USP34: variants seen among roughly 807,000 people sequenced by gnomAD.
USP34 encodes the protein ubiquitin specific peptidase 34, also known as ubiquitin carboxyl-terminal hydrolase 34.
Under a neutral mutation model 460.3 loss-of-function variants are expected in USP34, and 70 were observed. That is an observed-to-expected ratio of 0.15 (90% CI 0.13 to 0.19). The LOEUF (loss-of-function observed/expected upper bound fraction) is 0.19. Among genes scored for constraint, USP34 ranks in the 10% least tolerant of loss-of-function variants. The pLI is 1.00. For missense variants in USP34, 3,985 were observed against 4,236.2 expected (o/e 0.94, Z 1.65); for synonymous variants, 1,647 against 1,405.3 (o/e 1.17, Z -3.85).
At chr2:61,193,115 G>A (rs1686688550) in intron 75 of USP34, 135 bp from the exon 76 acceptor site, 3 of 663,036 alleles carry the variant, frequency 4.5e-6, no homozygotes, top group Non-Finnish European at 7.5e-6. Context: ...TACATAAAGG[G>A]GAAAAATTCA....
chr2:61,411,259 G>A (rs1382780305), intron 2 of USP34, among the ~76,000 whole-genome samples: 1 of 151,784 alleles, frequency 6.6e-6, no homozygotes, highest in African/African-American at 2.4e-5. Context: ...CCATACGCCC[G>A]TAATCCCAGC....
intron 35 of USP34, among the ~76,000 whole-genome samples, chr2:61,284,373 T>TGA (rs1426244764): frequency 6.6e-6 from 1 of 152,096 alleles, no homozygotes; most frequent in African/African-American, 2.4e-5. Flanking sequence ...AAATGTATCA[T>TGA]GAGAGAAAGG....
At chr2:61,203,389 A>G in intron 74 of USP34, 126 bp from the exon 75 acceptor site, 1 of 937,016 alleles carries the variant, frequency 1.1e-6, no homozygotes, top group African/African-American at 1.7e-5. Flanking sequence ...ACCTAGTTTT[A>G]AAATCCAAAT....
At position 61,223,233 on chromosome 2, in the gene USP34, T is replaced by C. The variant is rs1380970538; in HGVS notation, c.7644+15A>G. ...TTGTGATGATCAAATTGTCTAATATTAGAGAATGTACTACCTTTCCTCCTG... is the reference window on the plus strand; with the variant it reads ...TTGTGATGATCAAATTGTCTAATATCAGAGAATGTACTACCTTTCCTCCTG... On this transcript the variant is annotated intron_variant, in intron 63 of 79. Coordinates refer to ENST00000398571, the MANE Select transcript of USP34 (RefSeq NM_014709.4). 1.9e-6 allele frequency: 3 copies of C among 1,613,828 alleles called. No homozygotes were observed. The highest frequency in any genetic ancestry group is 2.2e-5 in the East Asian group (1 of 44,862).
intron 48 of USP34, among the ~76,000 whole-genome samples, chr2:61,248,987 C>A (rs934207912): frequency 6.6e-6 from 1 of 152,210 alleles, no homozygotes; most frequent in African/African-American, 2.4e-5. Flanking sequence ...TAACAATATA[C>A]TGTTCACAAT....
intron 2 of USP34, chr2:61,417,437 A>G: frequency 2.7e-6 from 1 of 373,306 alleles, no homozygotes; most frequent in South Asian, 2.9e-5. Flanking sequence ...AACAGCACTT[A>G]AAAATGATGA....
At chr2:61,300,108 A>T (rs1163107655) in intron 29 of USP34, among the ~76,000 whole-genome samples, 1 of 152,196 alleles carries the variant, frequency 6.6e-6, no homozygotes, top group African/African-American at 2.4e-5. Context: ...CAAATGCTTT[A>T]CTGACTTTGT....
At chr2:61,291,798 T>A (rs1689860132) in intron 33 of USP34, among the ~76,000 whole-genome samples, 1 of 152,180 alleles carries the variant, frequency 6.6e-6, no homozygotes, top group Admixed American at 6.5e-5. Context: ...CATAAACTCA[T>A]AAACAAATGC....
At chr2:61,284,330 T>C (rs192608095) in intron 35 of USP34, among the ~76,000 whole-genome samples, 1 of 152,196 alleles carries the variant, frequency 6.6e-6, no homozygotes, top group Admixed American at 6.5e-5. Flanking sequence ...AACTGAAAAG[T>C]ACTCTATAAA....
chr2:61,319,445 G>C, intron 21 of USP34, 118 bp from the exon 22 acceptor site: 2 of 605,396 alleles, frequency 3.3e-6, no homozygotes, highest in Non-Finnish European at 5.0e-6. Flanking sequence ...CTTGGAAATT[G>C]CAATTTTAAT....
chr2:61,235,789 G>C, intron 57 of USP34, 56 bp downstream of exon 57: 1 of 1,553,004 alleles, frequency 6.4e-7, no homozygotes, highest in East Asian at 2.3e-5. Flanking sequence ...AGATCAGAGG[G>C]GGGGAAAAAA....
intron 18 of USP34, among the ~76,000 whole-genome samples, chr2:61,337,361 A>G (rs1008513304): frequency 1.6e-4 from 24 of 151,554 alleles, no homozygotes; most frequent in African/African-American, 5.8e-4. Context: ...TTACTGCTAT[A>G]TAGTATTTCA....
At chr2:61,190,752 A>G (rs771195590) in intron 76 of USP34, 94 bp from the exon 77 acceptor site, 22 of 1,444,328 alleles carry the variant, frequency 1.5e-5, no homozygotes, top group Middle Eastern at 2.6e-4. Context: ...ACACTTGTGT[A>G]TGATGGAATC....
At chr2:61,241,528 T>G in intron 53 of USP34, 32 bp downstream of exon 53, 2 of 1,515,160 alleles carry the variant, frequency 1.3e-6, no homozygotes, top group Non-Finnish European at 1.8e-6. Context: ...AACATATTTT[T>G]AAAATGTTGC....
At chr2:61,442,754 T>C (rs1694999746) in intron 1 of USP34, among the ~76,000 whole-genome samples, 1 of 152,178 alleles carries the variant, frequency 6.6e-6, no homozygotes, top group South Asian at 2.1e-4. Flanking sequence ...ATCCCACTGC[T>C]AGGCATTTAT....
intron 15 of USP34, among the ~76,000 whole-genome samples, chr2:61,347,456 C>G (rs1254564611): frequency 1.3e-5 from 2 of 152,178 alleles, no homozygotes; most frequent in African/African-American, 4.8e-5. Context: ...TCACTGCAAC[C>G]TCCACCTCCC....
intron 5 of USP34, among the ~76,000 whole-genome samples, chr2:61,389,491 C>A (rs888076694): frequency 1.3e-5 from 2 of 151,972 alleles, no homozygotes; most frequent in South Asian, 2.1e-4. Flanking sequence ...AATGTCAATA[C>A]AAGAAAAAAT....
At position 61,319,195 on chromosome 2, in the gene USP34, T is replaced by C. The variant is rs1690840328; in HGVS notation, c.3146A>G (p.Tyr1049Cys). 1 of 1,564,348 alleles carries C rather than the reference T, an allele frequency of 6.4e-7. No homozygotes were observed. Among genetic ancestry groups the C allele is most frequent in the Non-Finnish European group, 8.6e-7 (1 of 1,164,382 alleles). ...TACCTTCTCCAGGAAAAGATGTTTGTAGGTTTCCATACCCATAGCATGTTG... is the reference window on the plus strand; with the variant it reads ...TACCTTCTCCAGGAAAAGATGTTTGCAGGTTTCCATACCCATAGCATGTTG... ...KDQHAMGMET[Y>C]KHLFLEKMPQ... is the part of the protein sequence containing the mutation. The change falls in exon 22 of 80, where the codon TAC (tyrosine) becomes TGC (cysteine). Residue 1049 changes from tyrosine (Y) to cysteine (C), a missense_variant. Physicochemically the swap from Tyr to Cys is radical, Grantham distance 194. Transcript: ENST00000398571.
At chr2:61,461,388 C>G (rs572927858) in intron 1 of USP34, among the ~76,000 whole-genome samples, 2 of 150,028 alleles carry the variant, frequency 1.3e-5, no homozygotes, top group African/African-American at 2.5e-5. Flanking sequence ...AGCGAAATTC[C>G]GCCTCAAAAA....
Sources: gnomAD v4.1 joint callset for allele counts (sites outside exome capture counted in the v4.1 genomes callset) on GRCh38, gnomAD v4.1.1 for gene constraint, MANE v1.5 for transcripts, NCBI Gene and HGNC (gene_info 2026-07-23, HGNC 2026-07-21) for gene names.